Variants in RALYL observed in about 807,000 individuals in gnomAD.
RALYL encodes the protein RALY RNA binding protein like.
RALYL carries 29 observed loss-of-function variants against 35.1 expected under a neutral mutation model. The ratio of observed to expected loss-of-function variants is 0.83; its 90% CI spans 0.61 to 1.13. The LOEUF is 1.13. Ranked by LOEUF, RALYL falls within the 50% of genes most tolerant of loss-of-function variation. RALYL has a pLI of 0.00. For missense variants in RALYL, 359 were observed against 360.4 expected, an observed-to-expected ratio of 1.00 and a Z score of 0.03; for synonymous variants, 120 against 127.6, an observed-to-expected ratio of 0.94 and a Z score of 0.40.
intron 1 of RALYL, among the ~76,000 whole-genome samples, chr8:84,235,404 A>G (rs1370944745): frequency 6.6e-6 from 1 of 152,226 alleles, no homozygotes. Flanking sequence ...CTTTTACTTC[A>G]TGTACCAATT....
intron 8 of RALYL, among the ~76,000 whole-genome samples, chr8:84,914,909 T>C (rs1028840787): frequency 2.0e-5 from 3 of 151,960 alleles, no homozygotes; most frequent in Admixed American, 6.6e-5. Context: ...TGTGCTATAA[T>C]TAGTGGTGTT....
rs190441248 is a variant in RALYL at position 84,297,898 on chromosome 8, T to G, written c.-24+113474T>G. ...TGCCCACTTTTCTAATGGTGTTGTTTGTTTAACTGTTTAAGTTCCTTATAG... is the reference window on the plus strand; with the variant it reads ...TGCCCACTTTTCTAATGGTGTTGTTGGTTTAACTGTTTAAGTTCCTTATAG... On this transcript the variant is annotated intron_variant, in intron 1 of 8. Transcript: ENST00000521268. Among the ~76,000 whole-genome samples the G allele has an allele frequency of 6.6e-5, 10 of 152,202 alleles. 1 individual carries two copies. Among genetic ancestry groups the G allele is most frequent in the Admixed American group, 1.3e-4 (2 of 15,254 alleles).
intron 1 of RALYL, among the ~76,000 whole-genome samples, chr8:84,480,592 G>T (rs929726637): frequency 2.0e-5 from 3 of 152,162 alleles, no homozygotes; most frequent in African/African-American, 7.2e-5. Context: ...TTTACAGGAT[G>T]TAAGCAAATT....
chr8:84,401,128 T>G (rs1302350818), intron 1 of RALYL, among the ~76,000 whole-genome samples: 2 of 152,184 alleles, frequency 1.3e-5, no homozygotes. Context: ...TTAATCATAT[T>G]CCTGTCAGCT....
At chr8:84,241,395 C>T (rs1353318074) in intron 1 of RALYL, among the ~76,000 whole-genome samples, 3 of 152,060 alleles carry the variant, frequency 2.0e-5, no homozygotes, top group Non-Finnish European at 4.4e-5. Flanking sequence ...CACTGAAAAG[C>T]TCTGTGTGCT....
At chr8:84,593,640 T>G (rs1318306139) in intron 2 of RALYL, among the ~76,000 whole-genome samples, 2 of 152,140 alleles carry the variant, frequency 1.3e-5, no homozygotes, top group East Asian at 3.9e-4. Flanking sequence ...GTTTTAAGAG[T>G]CCAGTGTAAA....
intron 4 of RALYL, among the ~76,000 whole-genome samples, chr8:84,848,452 T>G (rs534995834): frequency 1.3e-5 from 2 of 151,684 alleles, no homozygotes; most frequent in East Asian, 3.9e-4. Context: ...TATATATATA[T>G]GTATATATCT....
chr8:84,802,233 G>A (rs1463160857), intron 3 of RALYL, among the ~76,000 whole-genome samples: 1 of 152,108 alleles, frequency 6.6e-6, no homozygotes, highest in Non-Finnish European at 1.5e-5. Context: ...ATTTTCATGT[G>A]TCACAAAATA....
chr8:84,650,686 T>G (rs1156446486), intron 2 of RALYL, among the ~76,000 whole-genome samples: 3 of 151,830 alleles, frequency 2.0e-5, no homozygotes, highest in African/African-American at 7.3e-5. Flanking sequence ...GATCTAGAAC[T>G]AGAAATACCA....
chr8:84,417,768 T>C (rs1231470504), intron 1 of RALYL, among the ~76,000 whole-genome samples: 1 of 152,120 alleles, frequency 6.6e-6, no homozygotes, highest in East Asian at 1.9e-4. Flanking sequence ...TTTATATTTT[T>C]CCCCTCTCCA....
chr8:84,493,379 G>A (rs935491024), intron 1 of RALYL, among the ~76,000 whole-genome samples: 9 of 152,104 alleles, frequency 5.9e-5, no homozygotes, highest in African/African-American at 2.2e-4. Context: ...ATAAACATAT[G>A]TGTGCGTGTA....
intron 2 of RALYL, among the ~76,000 whole-genome samples, chr8:84,686,237 G>A (rs960682657): frequency 2.0e-5 from 3 of 152,102 alleles, no homozygotes; most frequent in East Asian, 1.9e-4. Context: ...AAGTGGTGAA[G>A]TAAACTGAGC....
At chr8:84,721,539 TTC>T (rs1423968923) in intron 2 of RALYL, among the ~76,000 whole-genome samples, 2 of 152,214 alleles carry the variant, frequency 1.3e-5, no homozygotes, top group African/African-American at 2.4e-5. Context: ...TCTCTCTATA[TTC>T]TGTTTCCTCC....
intron 1 of RALYL, among the ~76,000 whole-genome samples, chr8:84,276,265 T>A (rs1388413): frequency 6.6e-6 from 1 of 151,884 alleles, no homozygotes; most frequent in Non-Finnish European, 1.5e-5. Context: ...TGTTTTTGAA[T>A]CCTAAATTAT....
intron 3 of RALYL, among the ~76,000 whole-genome samples, chr8:84,789,960 C>T (rs1421846732): frequency 1.3e-5 from 2 of 152,036 alleles, no homozygotes; most frequent in Non-Finnish European, 1.5e-5. Flanking sequence ...TATCAGGTAT[C>T]CATTTTAACT....
intron 1 of RALYL, among the ~76,000 whole-genome samples, chr8:84,322,610 T>C (rs1845071410): frequency 6.6e-6 from 1 of 152,106 alleles, no homozygotes; most frequent in African/African-American, 2.4e-5. Context: ...AACCAAGACT[T>C]GACTTTGTTG....
At chr8:84,848,304 T>G (rs1310748335) in intron 4 of RALYL, among the ~76,000 whole-genome samples, 1 of 152,098 alleles carries the variant, frequency 6.6e-6, no homozygotes, top group Admixed American at 6.6e-5. Flanking sequence ...TCAGTATACA[T>G]ATATATCTAT....
chr8:84,851,375 A>C (rs1254271261), intron 5 of RALYL, among the ~76,000 whole-genome samples: 2 of 152,214 alleles, frequency 1.3e-5, no homozygotes, highest in East Asian at 3.8e-4. Flanking sequence ...TATATGTTGT[A>C]GTAACTAAAA....
At chr8:84,241,240 C>A (rs1489773108) in intron 1 of RALYL, among the ~76,000 whole-genome samples, 3 of 152,082 alleles carry the variant, frequency 2.0e-5, no homozygotes, top group African/African-American at 7.2e-5. Flanking sequence ...AGTATTATTG[C>A]CGTTATTCCC....
Sources: gnomAD v4.1 joint callset for allele counts (sites outside exome capture counted in the v4.1 genomes callset) on GRCh38, gnomAD v4.1.1 for gene constraint, MANE v1.5 for transcripts, NCBI Gene and HGNC (gene_info 2026-07-23, HGNC 2026-07-21) for gene names.